Variants in DSCAML1 observed in about 807,000 individuals in gnomAD.
DSCAML1 encodes DS cell adhesion molecule like 1, also known as cell adhesion molecule DSCAML1.
DSCAML1 carries 38 observed loss-of-function variants against 200.5 expected under a neutral mutation model. The observed-to-expected ratio is 0.19, with a 90% CI of 0.15 to 0.25. DSCAML1 has a LOEUF of 0.25. Ranked by LOEUF, DSCAML1 falls within the 10% of genes least tolerant of loss-of-function variation. The pLI is 1.00. For missense variants in DSCAML1, 2,223 were observed against 2,858.8 expected (o/e 0.78, Z 5.07); for synonymous variants, 1,215 against 1,165.0 (o/e 1.04, Z -0.87).
chr11:117,675,032 G>GTGC (rs2053182408), intron 3 of DSCAML1, among the ~76,000 whole-genome samples: 1 of 152,166 alleles, frequency 6.6e-6, no homozygotes, highest in Non-Finnish European at 1.5e-5. Context: ...AATCCTGGCT[G>GTGC]TGCTGCTGCC....
chr11:117,488,941 T>C (rs1403380269), intron 11 of DSCAML1, among the ~76,000 whole-genome samples: 1 of 152,264 alleles, frequency 6.6e-6, no homozygotes, highest in African/African-American at 2.4e-5. Context: ...GCCTCCCGCA[T>C]GCCCAGGTTC....
In DSCAML1 at chr11:117,428,124, G is replaced by A. The variant is rs1273811252; in HGVS notation, c.*204C>T. On this transcript the variant is annotated 3_prime_UTR_variant, in exon 33 of 33. Coordinates refer to ENST00000651296, the MANE Select transcript of DSCAML1 (RefSeq NM_020693.4). ...TGACTTGTACTGTCAAATTCTTTGT[G>A]CCCTGGCTTCATGGAGAAGAAGAAA... 1 of 509,888 alleles carries A rather than the reference G, an allele frequency of 2.0e-6. No individual in the cohort carries two copies. Among genetic ancestry groups the A allele is most frequent in the South Asian group, 2.6e-5 (1 of 39,122 alleles). 31.6% of individuals were successfully genotyped at this position (509,888 alleles called of 1,614,324 possible).
At chr11:117,658,231 T>C (rs1422224847) in intron 3 of DSCAML1, among the ~76,000 whole-genome samples, 1 of 152,116 alleles carries the variant, frequency 6.6e-6, no homozygotes, top group Non-Finnish European at 1.5e-5. Flanking sequence ...CCCTAGAGTC[T>C]CTGGAGCTCA....
intron 3 of DSCAML1, among the ~76,000 whole-genome samples, chr11:117,683,398 G>A (rs957377732): frequency 6.6e-6 from 1 of 152,258 alleles, no homozygotes; most frequent in Admixed American, 6.5e-5. Context: ...TGCGTGTAAA[G>A]TGATCTGCTA....
At chr11:117,645,265 G>T (rs1006584992) in intron 3 of DSCAML1, among the ~76,000 whole-genome samples, 1 of 152,156 alleles carries the variant, frequency 6.6e-6, no homozygotes, top group Non-Finnish European at 1.5e-5. Context: ...GAGAGAAAGG[G>T]GGTTTCTTGG....
chr11:117,507,778 C>T (rs2049531079), intron 8 of DSCAML1, among the ~76,000 whole-genome samples: 2 of 152,180 alleles, frequency 1.3e-5, no homozygotes, highest in Non-Finnish European at 2.9e-5. Context: ...ATTCCAGATC[C>T]ACCTGGAACC....
chr11:117,685,361 C>T (rs973154776), intron 3 of DSCAML1, among the ~76,000 whole-genome samples: 1 of 152,186 alleles, frequency 6.6e-6, no homozygotes, highest in Admixed American at 6.5e-5. Context: ...ATGTCTCCAC[C>T]CTTCCGCTTA....
chr11:117,594,974 TCTAA>T (rs879501797), intron 3 of DSCAML1, among the ~76,000 whole-genome samples: 11 of 152,190 alleles, frequency 7.2e-5, no homozygotes, highest in Non-Finnish European at 1.6e-4. Flanking sequence ...ATTGCCGTTC[TCTAA>T]CTAACTGTTC....
chr11:117,612,777 A>C (rs573903079), intron 3 of DSCAML1, among the ~76,000 whole-genome samples: 16 of 152,340 alleles, frequency 1.1e-4, no homozygotes, highest in Non-Finnish European at 1.9e-4. Flanking sequence ...CTTTGGGTGC[A>C]GAGCACCCTG....
chr11:117,572,725 A>G (rs2050867726), intron 3 of DSCAML1, among the ~76,000 whole-genome samples: 1 of 152,224 alleles, frequency 6.6e-6, no homozygotes, highest in South Asian at 2.1e-4. Flanking sequence ...GAGTGAAGGC[A>G]AATGAGTCCC....
chr11:117,745,704 G>C (rs564649635), intron 3 of DSCAML1, among the ~76,000 whole-genome samples: 1 of 152,112 alleles, frequency 6.6e-6, no homozygotes, highest in Non-Finnish European at 1.5e-5. Context: ...TGCCTGCCTC[G>C]TTATGCTACG....
At chr11:117,735,850 C>T (rs1032895368) in intron 3 of DSCAML1, among the ~76,000 whole-genome samples, 3 of 152,202 alleles carry the variant, frequency 2.0e-5, no homozygotes, top group Non-Finnish European at 2.9e-5. Flanking sequence ...GGCAGACCAA[C>T]AGATACATTT....
intron 3 of DSCAML1, among the ~76,000 whole-genome samples, chr11:117,559,957 C>T (rs2050630592): frequency 6.6e-6 from 1 of 152,078 alleles, no homozygotes; most frequent in African/African-American, 2.4e-5. Context: ...GGGGAAAGTC[C>T]TGCCCCAAAC....
intron 3 of DSCAML1, among the ~76,000 whole-genome samples, chr11:117,602,828 G>T (rs1011225406): frequency 1.3e-5 from 2 of 152,174 alleles, no homozygotes; most frequent in African/African-American, 4.8e-5. Context: ...GCCATGTGGG[G>T]TGGCTCACGC....
chr11:117,498,090 A>G lies in DSCAML1; in HGVS notation c.2359+5755T>C, dbSNP rs524968. Among the ~76,000 whole-genome samples the G allele has an allele frequency of 0.7, 106,675 of 152,124 alleles. 37,804 individuals carry two copies. Among genetic ancestry groups the G allele is most frequent in the South Asian group, 0.87 (4,194 of 4,816 alleles). On this transcript the variant is annotated intron_variant, in intron 11 of 32. Transcript: ENST00000651296. The surrounding 1 kb of genome is among the most constrained non-coding windows in gnomAD (Gnocchi z 4.0). ...AAAGGCCTGTGCTGAGCTGGGTGCCAGAAGTGAGAGTTCCCACCCAGGGAG... is the reference window on the plus strand; with the variant it reads ...AAAGGCCTGTGCTGAGCTGGGTGCCGGAAGTGAGAGTTCCCACCCAGGGAG...
chr11:117,737,205 T>C (rs1289651143), intron 3 of DSCAML1, among the ~76,000 whole-genome samples: 1 of 152,238 alleles, frequency 6.6e-6, no homozygotes, highest in Non-Finnish European at 1.5e-5. Flanking sequence ...CTCCCCTAGT[T>C]ATAAGTTAGA....
intron 3 of DSCAML1, among the ~76,000 whole-genome samples, chr11:117,532,983 TTAAA>T (rs760717663): frequency 3.3e-5 from 5 of 149,638 alleles, no homozygotes; most frequent in Non-Finnish European, 5.9e-5. Context: ...AAAAAAAAAA[TTAAA>T]CAATTAGCTG....
At chr11:117,616,216 G>A (rs908231654) in intron 3 of DSCAML1, among the ~76,000 whole-genome samples, 7 of 152,154 alleles carry the variant, frequency 4.6e-5, no homozygotes, top group African/African-American at 1.7e-4. Context: ...CACCTCCCAA[G>A]GTTTTCACTC....
chr11:117,594,162 C>G (rs138637246), intron 3 of DSCAML1, among the ~76,000 whole-genome samples: 5 of 152,228 alleles, frequency 3.3e-5, no homozygotes, highest in African/African-American at 1.2e-4. Flanking sequence ...TCAAGGAATT[C>G]CAAGGGAGGT....
Sources: allele counts gnomAD v4.1 joint callset (sites outside exome capture counted in the v4.1 genomes callset), GRCh38; gene constraint gnomAD v4.1.1; non-coding constraint Gnocchi (gnomAD v3.1); transcripts MANE v1.5; gene names NCBI Gene and HGNC (gene_info 2026-07-23, HGNC 2026-07-21).